The following CFAP99 variants were observed in gnomAD, a reference collection of about 807,000 sequenced individuals.
The protein encoded by CFAP99 is cilia- and flagella-associated protein 99.
In CFAP99, 84 loss-of-function variants were observed where a neutral mutation model predicts 82.7. The ratio of observed to expected loss-of-function variants is 1.02; its 90% CI spans 0.85 to 1.22. The LOEUF is 1.22. CFAP99 is among the 50% of genes most tolerant of loss of function. The pLI, the probability that CFAP99 is intolerant of heterozygous loss-of-function variation, is 0.00. For synonymous variants in CFAP99, 456 were observed against 429.5 expected (o/e 1.06, Z -0.76); for missense variants, 1,059 against 983.5 (o/e 1.08, Z -1.03).
At chr4:2,432,678 C>T (rs1316736680) in intron 2 of CFAP99, among the ~76,000 whole-genome samples, 1 of 152,222 alleles carries the variant, frequency 6.6e-6, no homozygotes, top group East Asian at 1.9e-4. Context: ...GCAGCAGTCT[C>T]TAGCGATTGT....
At chr4:2,439,404 C>A (rs948724879) in intron 4 of CFAP99, among the ~76,000 whole-genome samples, 7 of 152,170 alleles carry the variant, frequency 4.6e-5, no homozygotes, top group African/African-American at 1.7e-4. Flanking sequence ...GGGCCCAGAT[C>A]TTCGAGGTCT....
At chr4:2,456,171 AAC>A (rs1483712793) in intron 11 of CFAP99, among the ~76,000 whole-genome samples, 1 of 152,062 alleles carries the variant, frequency 6.6e-6, no homozygotes, top group Non-Finnish European at 1.5e-5. Flanking sequence ...TGTTTTTTTC[AAC>A]AGTTACCAGG....
Position 2,462,636 on chromosome 4 carries a change from C to A in CFAP99, c.1855C>A (p.Arg619=). 7.7e-7 allele frequency: 1 copy of A among 1,303,324 alleles called. No individual in the cohort carries two copies. The allele number at this position is 1,303,324 out of a possible 1,614,324, so 80.7% of individuals were successfully genotyped here. Reference sequence around the variant, plus strand: ...TCCGGATTGGTGGGAGGAGCCCGGGCGACTGAAAGCCGGGGCCGGGTGGGG... The same window carrying A: ...TCCGGATTGGTGGGAGGAGCCCGGGAGACTGAAAGCCGGGGCCGGGTGGGG... Residue 619 remains arginine (R), a synonymous_variant, in exon 15 of 15, where the codon CGA becomes AGA. Transcript: ENST00000635017. This position sits in a 1 kb window ranked among gnomAD's most constrained non-coding sequence, Gnocchi z 4.1.
At chr4:2,429,710 G>A (rs1459170945) in intron 2 of CFAP99, among the ~76,000 whole-genome samples, 1 of 151,808 alleles carries the variant, frequency 6.6e-6, no homozygotes. Flanking sequence ...TCCTGCCTCA[G>A]CCTCCCGAGT....
At chr4:2,451,464 C>T in intron 10 of CFAP99, 112 bp downstream of exon 10, 1 of 952,192 alleles carries the variant, frequency 1.1e-6, no homozygotes, top group Non-Finnish European at 1.6e-6. Flanking sequence ...ACTCGGGGGT[C>T]ACAACAGGCT....
rs1474585999 is a variant in CFAP99, at chr4:2,449,712, CT to C, written c.686del (p.Leu229ArgfsTer17). 1 of 1,536,134 alleles carries C rather than the reference CT, an allele frequency of 6.5e-7. No homozygotes were observed. The highest frequency in any genetic ancestry group is 1.4e-5 in the African/African-American group (1 of 73,150). ...CCAGCCACCCAAGGAGCAGCAGCAGCTGGAGACAGTCAAGAGGTACAACCGC... is the reference window on the plus strand; with the variant it reads ...CCAGCCACCCAAGGAGCAGCAGCAGCGGAGACAGTCAAGAGGTACAACCGC... On this transcript the variant is annotated frameshift_variant, in exon 7 of 15. Coordinates refer to ENST00000635017, the Ensembl canonical transcript of CFAP99. LOFTEE classifies it high-confidence loss of function.
In CFAP99 at chr4:2,449,762, G is replaced by T; in HGVS notation, c.723+12G>T. 1 of 1,536,162 alleles carries T rather than the reference G, an allele frequency of 6.5e-7. No homozygotes were observed. The highest frequency in any genetic ancestry group is 1.2e-5 in the South Asian group (1 of 84,066). ...GCCGAAAGGCCGAGGTGAGCTGTGT[G>T]CGACCCCTGCCTTCCTAGAGACCCC... On this transcript the variant is annotated intron_variant, in intron 7 of 14. Transcript: ENST00000635017.
intron 1 of CFAP99, among the ~76,000 whole-genome samples, chr4:2,424,110 G>T (rs1319729892): frequency 6.6e-6 from 1 of 152,242 alleles, no homozygotes; most frequent in East Asian, 1.9e-4. Context: ...CAGCCAGGCT[G>T]GTCCCTAAAG....
intron 5 of CFAP99, 110 bp from the exon 6 acceptor site, chr4:2,445,021 C>A: frequency 1.3e-6 from 1 of 772,350 alleles, no homozygotes; most frequent in Non-Finnish European, 1.8e-6. Flanking sequence ...ATCACCTCCA[C>A]CCCAAGGTGG....
chr4:2,459,604 T>TGGAGGCTGCATG, intron 13 of CFAP99, among the ~76,000 whole-genome samples: 1 of 152,068 alleles, frequency 6.6e-6, no homozygotes, highest in South Asian at 2.1e-4. Context: ...AAAGGCTGGA[T>TGGAGGCTGCATG]GGAGGCTGCA....
At chr4:2,431,491 G>C (rs530368689) in intron 2 of CFAP99, among the ~76,000 whole-genome samples, 2 of 152,152 alleles carry the variant, frequency 1.3e-5, no homozygotes, top group South Asian at 4.1e-4. Context: ...ACCACTGTGG[G>C]ACTGACTGAC....
intron 2 of CFAP99, among the ~76,000 whole-genome samples, chr4:2,430,530 C>T (rs993160697): frequency 6.7e-6 from 1 of 149,532 alleles, no homozygotes; most frequent in Non-Finnish European, 1.5e-5. Flanking sequence ...CTCCGGACAG[C>T]GGACTGCGGT....
At chr4:2,456,488 A>G (rs1432583220) in intron 11 of CFAP99, among the ~76,000 whole-genome samples, 1 of 152,124 alleles carries the variant, frequency 6.6e-6, no homozygotes. Context: ...ACCAGCTTGA[A>G]CAACATAGTG....
At chr4:2,435,965 G>A (rs1269597238) in intron 2 of CFAP99, among the ~76,000 whole-genome samples, 1 of 149,594 alleles carries the variant, frequency 6.7e-6, no homozygotes. Flanking sequence ...TCAGGAGGCC[G>A]AGGTGGGGAG....
Position 2,442,895 on chromosome 4 carries a change from GGGGGCCTTGGGGGC to G in CFAP99, c.352-234_352-221del, listed in dbSNP as rs1333065354. Among the ~76,000 whole-genome samples the G allele has an allele frequency of 6.8e-4, 97 of 143,406 alleles. 1 individual carries two copies. Among genetic ancestry groups the G allele is most frequent in the African/African-American group, 2.5e-3 (91 of 37,094 alleles). 94.1% of individuals were successfully genotyped at this position (143,406 alleles called of 152,430 possible). On this transcript the variant is annotated intron_variant, in intron 4 of 14. Transcript: ENST00000635017. Reference sequence around the variant, plus strand: ...GGGCAGGGAGCTCACTGGGGGTGCTGGGGGCCTTGGGGGCAGGGAGCTCACTGGGGTGCTGGGGG... The same window carrying G: ...GGGCAGGGAGCTCACTGGGGGTGCTGAGGGAGCTCACTGGGGTGCTGGGGG...
chr4:2,438,062 T>A lies in CFAP99; in HGVS notation c.257-8T>A. On this transcript the variant is annotated splice_region_variant and splice_polypyrimidine_tract_variant and intron_variant, in intron 3 of 14. Coordinates refer to ENST00000635017, the Ensembl canonical transcript of CFAP99. ...CCCTTAGCCTCTGACAGACCCCCTG[T>A]TTTCTAGTGATCTGCTACCTAGCCA... The A allele has an allele frequency of 6.6e-7, 1 of 1,520,168 alleles. No individual in the cohort carries two copies. The highest frequency in any genetic ancestry group is 1.2e-5 in the South Asian group (1 of 83,720). The allele number at this position is 1,520,168 out of a possible 1,614,324, so 94.2% of individuals were successfully genotyped here.
In CFAP99 at chr4:2,443,256, G is replaced by T. The variant is rs957494049; in HGVS notation, c.464+14G>T. 1 of 1,493,562 alleles carries T rather than the reference G, an allele frequency of 6.7e-7. No homozygotes were observed. The highest frequency in any genetic ancestry group is 9.0e-7 in the Non-Finnish European group (1 of 1,108,446). The allele number at this position is 1,493,562 out of a possible 1,614,324, so 92.5% of individuals were successfully genotyped here. A position where few individuals can be genotyped will look rare whatever the true frequency, so the allele number is the denominator to read the frequency against. ...CCCCCTGATGAGGTAGGCTGGATGG[G>T]GGGCTCTGGGGGCCCTGAATGGCAT... On this transcript the variant is annotated intron_variant, in intron 5 of 14. Coordinates refer to ENST00000635017, the Ensembl canonical transcript of CFAP99.
At position 2,438,145 on chromosome 4, in the gene CFAP99, C is replaced by T. The variant is rs777901334; in HGVS notation, c.332C>T (p.Pro111Leu). ...TTCTGTAACATCATCAAGTCCCAGC[C>T]CGTGGATAAGATGTGCAAGGTGAGC... The change falls in exon 4 of 15, where the codon CCC (proline) becomes CTC (leucine). Residue 111 changes from proline (P) to leucine (L), a missense_variant. Transcript: ENST00000635017. 729 of 1,535,264 alleles carry T rather than the reference C, an allele frequency of 4.7e-4. 1 individual carries two copies. The highest frequency in any genetic ancestry group is 6.0e-4 in the Non-Finnish European group (690 of 1,146,390).
chr4:2,458,948 C>A (rs1734505240), intron 12 of CFAP99, 84 bp downstream of exon 12: 13 of 1,475,230 alleles, frequency 8.8e-6, no homozygotes, highest in Non-Finnish European at 1.2e-5. Flanking sequence ...GAGTGAGCCA[C>A]TATGGCTGTC....
Sources: allele counts gnomAD v4.1 joint callset (sites outside exome capture counted in the v4.1 genomes callset), GRCh38; gene constraint gnomAD v4.1.1; non-coding constraint Gnocchi (gnomAD v3.1); transcripts MANE v1.5; gene names NCBI Gene and HGNC (gene_info 2026-07-23, HGNC 2026-07-21).